The following SLK variants were observed in gnomAD, a reference collection of about 807,000 sequenced individuals.
SLK encodes the protein STE20-like serine/threonine-protein kinase.
In SLK, 67 loss-of-function variants were observed where a neutral mutation model predicts 147.7. That is an observed-to-expected ratio of 0.45 (90% CI 0.37 to 0.56). SLK has a LOEUF of 0.56. SLK is among the 20% of genes least tolerant of loss of function. The pLI, the probability that SLK is intolerant of heterozygous loss-of-function variation, is 0.00. For missense variants in SLK, 1,136 were observed against 1,438.8 expected (o/e 0.79, Z 3.41); for synonymous variants, 441 against 475.0 (o/e 0.93, Z 0.93).
chr10:104,017,168 C>G (rs1844475110), intron 13 of SLK, among the ~76,000 whole-genome samples: 1 of 152,124 alleles, frequency 6.6e-6, no homozygotes, highest in Non-Finnish European at 1.5e-5. Context: ...AGTATGTACT[C>G]AATAAATATT....
intron 2 of SLK, among the ~76,000 whole-genome samples, chr10:103,991,573 G>C (rs1183001940): frequency 6.6e-6 from 1 of 151,930 alleles, no homozygotes; most frequent in Non-Finnish European, 1.5e-5. Context: ...TCCCAGTGCT[G>C]CCACTTACGG....
chr10:104,014,257 C>T (rs930556239), intron 13 of SLK, among the ~76,000 whole-genome samples: 1 of 152,064 alleles, frequency 6.6e-6, no homozygotes, highest in Admixed American at 6.5e-5. Flanking sequence ...ATTTTCATTC[C>T]GTTTAACTCT....
chr10:103,999,158 C>T lies in SLK; in HGVS notation c.627C>T (p.Asp209=). 6.2e-7 allele frequency: 1 copy of T among 1,612,980 alleles called. No individual in the cohort carries two copies. ...TAGTCATGTGTGAAACATCTAAGGACAGACCCTATGACTACAAAGCTGATG... is the reference window on the plus strand; with the variant it reads ...TAGTCATGTGTGAAACATCTAAGGATAGACCCTATGACTACAAAGCTGATG... The part of the protein sequence containing the change: ...PEVVMCETSK[D]RPYDYKADVW... The change falls in exon 6 of 19, where the codon GAC becomes GAT. Residue 209 remains aspartate (D), a synonymous_variant. Transcript: ENST00000369755.
chr10:103,984,424 T>C (rs959984177), intron 1 of SLK, among the ~76,000 whole-genome samples: 1 of 152,174 alleles, frequency 6.6e-6, no homozygotes, highest in Non-Finnish European at 1.5e-5. Context: ...TCTTATTTTA[T>C]GTTTTTTGAG....
chr10:103,998,833 T>TC (rs1844208336), intron 4 of SLK, 66 bp from the exon 5 acceptor site: 2 of 1,098,640 alleles, frequency 1.8e-6, no homozygotes, highest in African/African-American at 1.6e-5. Flanking sequence ...ATGCTTTTTC[T>TC]CCCCATTGAA....
At chr10:103,973,323 T>G (rs1455577583) in intron 1 of SLK, among the ~76,000 whole-genome samples, 1 of 152,218 alleles carries the variant, frequency 6.6e-6, no homozygotes, top group African/African-American at 2.4e-5. Context: ...TGCCCTGTTA[T>G]GTAGCATGTG....
intron 13 of SLK, among the ~76,000 whole-genome samples, chr10:104,016,209 C>A (rs952448351): frequency 2.6e-5 from 4 of 152,072 alleles, no homozygotes; most frequent in East Asian, 3.9e-4. Flanking sequence ...GTCCCGGCTA[C>A]TCAGGAGGCT....
intron 1 of SLK, among the ~76,000 whole-genome samples, chr10:103,975,996 A>G (rs12768862): frequency 0.86 from 130,481 of 152,078 alleles, 56,200 homozygotes; most frequent in African/African-American, 0.93. Context: ...TCAACTCCCC[A>G]GGCTCAGGTG....
chr10:103,968,509 C>T (rs970291248), intron 1 of SLK, among the ~76,000 whole-genome samples: 1 of 152,176 alleles, frequency 6.6e-6, no homozygotes, highest in Non-Finnish European at 1.5e-5. Context: ...AAGTCAGTAT[C>T]AGCGCTTAAG....
chr10:103,990,424 C>T (rs748853374), intron 1 of SLK, among the ~76,000 whole-genome samples: 5 of 152,088 alleles, frequency 3.3e-5, no homozygotes, highest in Non-Finnish European at 7.4e-5. Context: ...GCATGGAGCA[C>T]GAGGGAACTT....
intron 1 of SLK, among the ~76,000 whole-genome samples, chr10:103,983,016 T>G (rs1190985633): frequency 6.6e-6 from 1 of 151,686 alleles, no homozygotes; most frequent in African/African-American, 2.4e-5. Flanking sequence ...ATGAATTGTT[T>G]TCAGGATTTA....
chr10:104,004,108 G>C (rs1368816628), intron 9 of SLK, among the ~76,000 whole-genome samples: 1 of 152,106 alleles, frequency 6.6e-6, no homozygotes, highest in Non-Finnish European at 1.5e-5. Flanking sequence ...AGATCCCACA[G>C]AGTTCTGATG....
chr10:103,992,872 A>G (rs1251971786), intron 3 of SLK, 112 bp from the exon 4 acceptor site: 1 of 746,120 alleles, frequency 1.3e-6, no homozygotes, highest in East Asian at 2.9e-5. Flanking sequence ...TTTAAAATAA[A>G]TTCCCTGCAT....
chr10:104,025,482 T>C (rs1258105510), intron 18 of SLK, 92 bp from the exon 19 acceptor site: 1 of 1,220,792 alleles, frequency 8.2e-7, no homozygotes, highest in Non-Finnish European at 1.2e-6. Flanking sequence ...ACAAAGAAAG[T>C]GTTTTGGACA....
chr10:103,986,197 T>C (rs1379273624), intron 1 of SLK, among the ~76,000 whole-genome samples: 1 of 151,908 alleles, frequency 6.6e-6, no homozygotes, highest in Non-Finnish European at 1.5e-5. Context: ...GTTATGTTTA[T>C]TGTATACTTT....
chr10:104,011,604 A>C (rs953639208), intron 13 of SLK, among the ~76,000 whole-genome samples: 12 of 150,582 alleles, frequency 8.0e-5, no homozygotes, highest in African/African-American at 2.7e-4. Flanking sequence ...CTCTGTCTCC[A>C]GGCTGGAGTG....
intron 2 of SLK, among the ~76,000 whole-genome samples, chr10:103,991,320 G>A (rs1844090245): frequency 6.6e-6 from 1 of 152,062 alleles, no homozygotes; most frequent in Non-Finnish European, 1.5e-5. Flanking sequence ...AAAGCTGTAT[G>A]TATAAATTTT....
In SLK at chr10:104,002,525, A is replaced by G. The variant is rs775842159; in HGVS notation, c.1347A>G (p.Glu449=). Residue 449 remains glutamate, a synonymous_variant, in exon 9 of 19, where the codon GAA becomes GAG. Transcript: ENST00000369755. ...CTGTGGACATTAATTCAGTCAGTGA[A>G]GGAAAAGAGAATAATATAATGATAA... The part of the protein sequence containing the change: ...QETVDINSVS[E]GKENNIMITL... The G allele has an allele frequency of 6.2e-6, 10 of 1,610,634 alleles. No homozygotes were observed. Among genetic ancestry groups the G allele is most frequent in the Non-Finnish European group, 8.5e-6 (10 of 1,178,592 alleles).
At chr10:104,016,878 G>A (rs1453921827) in intron 13 of SLK, among the ~76,000 whole-genome samples, 3 of 152,248 alleles carry the variant, frequency 2.0e-5, no homozygotes, top group African/African-American at 7.2e-5. Flanking sequence ...TCGAGGATGT[G>A]CAAGAGGGGG....
Sources: allele counts gnomAD v4.1 joint callset (sites outside exome capture counted in the v4.1 genomes callset), GRCh38; gene constraint gnomAD v4.1.1; transcripts MANE v1.5; gene names NCBI Gene and HGNC (gene_info 2026-07-23, HGNC 2026-07-21).